The following TNFRSF21 variants were observed in gnomAD, a reference collection of about 807,000 sequenced individuals.
TNFRSF21 encodes TNF receptor superfamily member 21.
TNFRSF21 carries 19 observed loss-of-function variants against 45.6 expected under a neutral mutation model. The ratio of observed to expected loss-of-function variants is 0.42; its 90% CI spans 0.29 to 0.61. TNFRSF21 has a LOEUF of 0.61. Ranked by LOEUF, TNFRSF21 falls within the 20% of genes least tolerant of loss-of-function variation. The pLI is 0.23. For synonymous variants in TNFRSF21, 314 were observed against 335.5 expected (o/e 0.94, Z 0.70); for missense variants, 737 against 851.5 (o/e 0.87, Z 1.67).
chr6:47,286,544 G>A lies in TNFRSF21; in HGVS notation c.148C>T (p.Leu50Phe). ...TAQPEQKASN[L>F]IGTYRHVDRA... ...TCAACATGGCGGTATGTGCCAATGAGATTCGAGGCCTTCTGTTCTGGCTGA... is the reference window on the plus strand; with the variant it reads ...TCAACATGGCGGTATGTGCCAATGAAATTCGAGGCCTTCTGTTCTGGCTGA... Residue 50 changes from leucine (L) to phenylalanine (F), a missense_variant, in exon 2 of 6, where the codon CTC becomes TTC. Physicochemically the swap from Leu to Phe is conservative, Grantham distance 22. Coordinates refer to ENST00000296861, the MANE Select transcript of TNFRSF21 (RefSeq NM_014452.5). 2 of 1,612,782 alleles carry A rather than the reference G, an allele frequency of 1.2e-6. No homozygotes were observed. Among genetic ancestry groups the A allele is most frequent in the Non-Finnish European group, 1.7e-6 (2 of 1,178,880 alleles).
At chr6:47,236,529 T>G (rs1764667444) in intron 4 of TNFRSF21, among the ~76,000 whole-genome samples, 1 of 152,220 alleles carries the variant, frequency 6.6e-6, no homozygotes. Context: ...TGCAACTGAT[T>G]GCAGATTGTG....
chr6:47,262,602 G>C (rs543879340), intron 3 of TNFRSF21, among the ~76,000 whole-genome samples: 4 of 152,310 alleles, frequency 2.6e-5, no homozygotes, highest in Admixed American at 1.3e-4. Context: ...AGGGTAGGAG[G>C]TGATGAGGCT....
intron 1 of TNFRSF21, among the ~76,000 whole-genome samples, chr6:47,303,147 C>T (rs1377497699): frequency 1.3e-5 from 2 of 152,196 alleles, no homozygotes; most frequent in Admixed American, 6.5e-5. Flanking sequence ...CCTCTCCACT[C>T]TCCTAAATCC....
chr6:47,267,329 A>T (rs1582334300), intron 3 of TNFRSF21, among the ~76,000 whole-genome samples: 1 of 151,922 alleles, frequency 6.6e-6, no homozygotes. Context: ...CGAACTCCTG[A>T]CCTCAAGTGA....
intron 3 of TNFRSF21, among the ~76,000 whole-genome samples, chr6:47,255,514 T>A (rs1440987449): frequency 6.6e-6 from 1 of 151,928 alleles, no homozygotes; most frequent in East Asian, 1.9e-4. Flanking sequence ...TAGGCTGGAG[T>A]GCAATGGTGC....
intron 4 of TNFRSF21, among the ~76,000 whole-genome samples, chr6:47,237,925 CT>C (rs1251767075): frequency 3.9e-5 from 6 of 152,104 alleles, no homozygotes; most frequent in Non-Finnish European, 8.8e-5. Context: ...TGGCAGGCGC[CT>C]GTAATCCCAA....
intron 1 of TNFRSF21, among the ~76,000 whole-genome samples, chr6:47,305,427 G>C (rs1022390028): frequency 1.3e-5 from 2 of 152,024 alleles, no homozygotes; most frequent in African/African-American, 4.8e-5. Context: ...CACATTCTAG[G>C]ATTGTAGAGC....
chr6:47,260,585 C>G (rs941043067), intron 3 of TNFRSF21, among the ~76,000 whole-genome samples: 1 of 152,078 alleles, frequency 6.6e-6, no homozygotes, highest in Non-Finnish European at 1.5e-5. Flanking sequence ...CCAAATTGAC[C>G]TTTATAATTA....
At chr6:47,282,841 T>C (rs892265573) in intron 3 of TNFRSF21, among the ~76,000 whole-genome samples, 6 of 152,224 alleles carry the variant, frequency 3.9e-5, no homozygotes, top group Admixed American at 6.5e-5. Context: ...TTCCATTCTA[T>C]GAATATACCA....
At chr6:47,256,234 A>C (rs9473040) in intron 3 of TNFRSF21, among the ~76,000 whole-genome samples, 9,900 of 152,192 alleles carry the variant, frequency 0.065, 469 homozygotes, top group African/African-American at 0.13. Flanking sequence ...TCAACTATAA[A>C]AGTAGAATGG....
intron 1 of TNFRSF21, among the ~76,000 whole-genome samples, chr6:47,308,842 G>T (rs1033114938): frequency 6.6e-6 from 1 of 152,256 alleles, no homozygotes. Flanking sequence ...GAGGGTAAAG[G>T]GATTGAGGAG....
intron 3 of TNFRSF21, among the ~76,000 whole-genome samples, chr6:47,269,945 C>A (rs1019094986): frequency 6.6e-6 from 1 of 152,170 alleles, no homozygotes; most frequent in Non-Finnish European, 1.5e-5. Context: ...TTTCTATAAC[C>A]CCAGCCTCTA....
chr6:47,240,350 TC>T (rs1729934501), intron 4 of TNFRSF21, among the ~76,000 whole-genome samples: 1 of 152,220 alleles, frequency 6.6e-6, no homozygotes, highest in South Asian at 2.1e-4. Context: ...TTACTGCTTT[TC>T]CATATGAGGT....
rs187114537 is a variant in TNFRSF21, at chr6:47,286,648, T to C, written c.97-53A>G. Reference sequence around the variant, plus strand: ...GAACAAAAACCAAGAAGATGTTACATAGGAGCAGAGCAGAAAAAGGGCCAA... The same window carrying C: ...GAACAAAAACCAAGAAGATGTTACACAGGAGCAGAGCAGAAAAAGGGCCAA... On this transcript the variant is annotated intron_variant, in intron 1 of 5. Coordinates refer to ENST00000296861, the MANE Select transcript of TNFRSF21 (RefSeq NM_014452.5). The C allele has an allele frequency of 1.3e-4, 198 of 1,540,158 alleles. No homozygotes were observed. In the African/African-American group the frequency reaches 1.8e-3, roughly 14 times the overall value.
chr6:47,299,608 A>G (rs1762838335), intron 1 of TNFRSF21, among the ~76,000 whole-genome samples: 1 of 152,254 alleles, frequency 6.6e-6, no homozygotes, highest in African/African-American at 2.4e-5. Flanking sequence ...TGTGGCTAAC[A>G]TAACTCCTTC....
At chr6:47,271,581 C>T (rs1762419792) in intron 3 of TNFRSF21, among the ~76,000 whole-genome samples, 1 of 152,090 alleles carries the variant, frequency 6.6e-6, no homozygotes, top group Non-Finnish European at 1.5e-5. Flanking sequence ...TGAAGACTGT[C>T]GATGCTATGA....
chr6:47,236,177 C>T (rs1277232081), intron 4 of TNFRSF21, among the ~76,000 whole-genome samples: 1 of 152,202 alleles, frequency 6.6e-6, no homozygotes, highest in South Asian at 2.1e-4. Context: ...CTATTTGGCC[C>T]TTTCATTTGA....
intron 3 of TNFRSF21, among the ~76,000 whole-genome samples, chr6:47,260,835 A>G (rs755444792): frequency 2.0e-4 from 31 of 152,208 alleles, no homozygotes; most frequent in Non-Finnish European, 3.7e-4. Context: ...GATGGTATCA[A>G]ACTCATCATA....
intron 5 of TNFRSF21, among the ~76,000 whole-genome samples, chr6:47,233,837 CATAA>C (rs550051331): frequency 1.1e-3 from 168 of 152,054 alleles, no homozygotes; most frequent in Middle Eastern, 3.4e-3. Context: ...TAAAAACTGT[CATAA>C]ATAGTGTATG....
Sources: gnomAD v4.1 joint callset for allele counts (sites outside exome capture counted in the v4.1 genomes callset) on GRCh38, gnomAD v4.1.1 for gene constraint, MANE v1.5 for transcripts, NCBI Gene and HGNC (gene_info 2026-07-23, HGNC 2026-07-21) for gene names.